The following SYNE2 variants were observed in gnomAD, a reference collection of about 807,000 sequenced individuals.
SYNE2 encodes spectrin repeat containing nuclear envelope protein 2, also known as nesprin-2.
In SYNE2, 431 loss-of-function variants were observed where a neutral mutation model predicts 856.3. The ratio of observed to expected loss-of-function variants is 0.50; its 90% confidence interval spans 0.47 to 0.55. The LOEUF is 0.55. SYNE2 is among the 20% of genes least tolerant of loss of function. The probability of loss-of-function intolerance (pLI) is 0.00; values close to 1 mark genes in which losing one functional copy is unlikely to be tolerated. For missense variants in SYNE2, 8,129 were observed against 8,023.2 expected, an observed-to-expected ratio of 1.01 and a Z score of -0.50; for synonymous variants, 2,923 against 2,872.3, an observed-to-expected ratio of 1.02 and a Z score of -0.56.
intron 84 of SYNE2, among the ~76,000 whole-genome samples, chr14:64,151,112 C>T (rs1292814061): frequency 6.6e-6 from 1 of 152,164 alleles, no homozygotes; most frequent in Non-Finnish European, 1.5e-5. Context: ...TCCGTTCTTA[C>T]TCCCAAACCT....
In SYNE2 at chr14:63,948,006, A is replaced by G. The variant is rs148510755; in HGVS notation, c.409-1819A>G. Reference sequence around the variant, plus strand: ...ACTATACTTTGTAATTTTGGTAACTATATAGTAAGTCTTGATATCCGACAG... The same window carrying G: ...ACTATACTTTGTAATTTTGGTAACTGTATAGTAAGTCTTGATATCCGACAG... On this transcript the variant is annotated intron_variant, in intron 6 of 115. Coordinates refer to ENST00000555002, the MANE Select transcript of SYNE2 (RefSeq NM_182914.3). Among the ~76,000 whole-genome samples, 213 of 152,302 alleles carry G rather than the reference A, an allele frequency of 1.4e-3. 7 individuals carry two copies. In the East Asian group the frequency reaches 0.036, roughly 26 times the overall value.
chr14:64,216,195 G>A (rs1230685944), intron 107 of SYNE2, 53 bp from the exon 108 acceptor site: 9 of 1,611,590 alleles, frequency 5.6e-6, no homozygotes, highest in Admixed American at 1.7e-5. Context: ...CATGTCACCC[G>A]TGACCCGTTC....
intron 1 of SYNE2, among the ~76,000 whole-genome samples, chr14:63,855,027 A>G (rs1489408754): frequency 1.3e-5 from 2 of 152,214 alleles, no homozygotes; most frequent in African/African-American, 2.4e-5. Context: ...TCAAACTCCT[A>G]CATATACCAG....
intron 99 of SYNE2, 29 bp from the exon 100 acceptor site, chr14:64,202,772 T>G: frequency 6.2e-7 from 1 of 1,613,910 alleles, no homozygotes; most frequent in East Asian, 2.2e-5. Context: ...TTTTTTTGTT[T>G]CGTTTTGTTT....
At position 64,065,536 on chromosome 14, in the gene SYNE2, G is replaced by A. The variant is rs769802464; in HGVS notation, c.10317G>A (p.Leu3439=). Residue 3439 remains leucine, a synonymous_variant, in exon 51 of 116, where the codon TTG becomes TTA. Transcript: ENST00000555002. ...LRCTENDGIC[L]LKIVSALWEK... ...GCACAGAAAATGATGGCATATGTTTGCTCAAGATTGTGTCGGCTCTGTGGG... is the reference window on the plus strand; with the variant it reads ...GCACAGAAAATGATGGCATATGTTTACTCAAGATTGTGTCGGCTCTGTGGG... 1.9e-6 allele frequency: 3 copies of A among 1,614,100 alleles called. No homozygotes were observed. The Admixed American group carries it at 5.0e-5, about 27-fold the overall frequency.
chr14:64,078,710 C>A, intron 55 of SYNE2, 104 bp downstream of exon 55: 1 of 1,426,334 alleles, frequency 7.0e-7, no homozygotes, highest in South Asian at 1.2e-5. Context: ...ATCTGAAGCA[C>A]AGAAATTGTA....
At chr14:64,102,732 A>G (rs186384003) in intron 64 of SYNE2, among the ~76,000 whole-genome samples, 19 of 152,168 alleles carry the variant, frequency 1.2e-4, no homozygotes, top group Non-Finnish European at 2.9e-5. Flanking sequence ...CATGTTATAC[A>G]TAGATTCTCT....
intron 1 of SYNE2, among the ~76,000 whole-genome samples, chr14:63,869,136 C>T (rs1442299830): frequency 6.6e-6 from 1 of 152,214 alleles, no homozygotes; most frequent in East Asian, 1.9e-4. Flanking sequence ...GAGCTATTCC[C>T]TCCTCATAGT....
At chr14:63,983,058 A>G (rs1005286843) in intron 17 of SYNE2, among the ~76,000 whole-genome samples, 46 of 152,212 alleles carry the variant, frequency 3.0e-4, no homozygotes, top group African/African-American at 1.0e-3. Context: ...GACATTTCAC[A>G]TAATGAAATC....
At chr14:64,196,389 C>T (rs944007388) in intron 99 of SYNE2, among the ~76,000 whole-genome samples, 2 of 152,122 alleles carry the variant, frequency 1.3e-5, no homozygotes, top group Non-Finnish European at 2.9e-5. Context: ...ATGGTAAACC[C>T]TGGGAGGAGC....
chr14:63,997,094 C>T lies in SYNE2; in HGVS notation c.3088C>T (p.Leu1030=). Residue 1030 remains leucine, a synonymous_variant, in exon 24 of 116, where the codon CTG becomes TTG. Transcript: ENST00000555002. ...TTATGAACAAAAGATAGAAAGACTT[C>T]TGAAATGTGCTTCCGAGATTCATAT... ...KDYEQKIERL[L]KCASEIHMTL... is the part of the protein sequence containing the mutation. The T allele has an allele frequency of 1.9e-6, 3 of 1,614,106 alleles. No individual in the cohort carries two copies. Among genetic ancestry groups the T allele is most frequent in the Non-Finnish European group, 2.5e-6 (3 of 1,180,014 alleles).
At chr14:64,221,225 C>G (rs1226502376) in intron 111 of SYNE2, among the ~76,000 whole-genome samples, 1 of 152,190 alleles carries the variant, frequency 6.6e-6, no homozygotes, top group African/African-American at 2.4e-5. Context: ...CCACCCCAGC[C>G]TGTCCTGTTG....
chr14:64,190,663 C>A, intron 99 of SYNE2: 1 of 698,578 alleles, frequency 1.4e-6, no homozygotes, highest in Non-Finnish European at 2.6e-6. Context: ...ATGACTGCCC[C>A]ACTACTTGCA....
intron 45 of SYNE2, among the ~76,000 whole-genome samples, chr14:64,046,242 A>G (rs1424172621): frequency 6.6e-6 from 1 of 152,246 alleles, no homozygotes; most frequent in Non-Finnish European, 1.5e-5. Flanking sequence ...GAGAACCTCA[A>G]GTTCTTAAAG....
At chr14:63,809,787 C>T (rs1202350561) in intron 1 of SYNE2, among the ~76,000 whole-genome samples, 1 of 152,142 alleles carries the variant, frequency 6.6e-6, no homozygotes. Flanking sequence ...AGACATGAGC[C>T]ACCGCGCCTG....
intron 74 of SYNE2, among the ~76,000 whole-genome samples, chr14:64,128,797 G>A (rs1258303851): frequency 6.6e-6 from 1 of 152,226 alleles, no homozygotes; most frequent in East Asian, 1.9e-4. Context: ...GTCCAGTGTT[G>A]GTAAGGGTAT....
At chr14:64,151,795 T>G (rs2098246665) in intron 84 of SYNE2, among the ~76,000 whole-genome samples, 1 of 152,226 alleles carries the variant, frequency 6.6e-6, no homozygotes, top group South Asian at 2.1e-4. Flanking sequence ...TTTTCCAGTT[T>G]CTTTGTAATG....
At chr14:63,876,688 G>A (rs553472922) in intron 1 of SYNE2, among the ~76,000 whole-genome samples, 7 of 152,116 alleles carry the variant, frequency 4.6e-5, no homozygotes, top group East Asian at 1.9e-4. Flanking sequence ...GGGTTTCACC[G>A]TGTTAGCCAG....
chr14:64,213,567 T>C (rs968257), intron 105 of SYNE2, among the ~76,000 whole-genome samples: 68,888 of 151,944 alleles, frequency 0.45, 17,498 homozygotes, highest in African/African-American at 0.7. Context: ...TGACAACCAT[T>C]GACCGATACG....
Sources: allele counts gnomAD v4.1 joint callset (sites outside exome capture counted in the v4.1 genomes callset), GRCh38; gene constraint gnomAD v4.1.1; transcripts MANE v1.5; gene names NCBI Gene and HGNC (gene_info 2026-07-23, HGNC 2026-07-21).